Variants in B3GALT1 observed in about 807,000 individuals in gnomAD.
The protein encoded by B3GALT1 is UDP-Gal:betaGlcNAc beta 1,3-galactosyltransferase, polypeptide 1.
A neutral mutation model predicts 23.2 loss-of-function variants in B3GALT1; 10 were observed. That is an observed-to-expected ratio of 0.43 (90% CI 0.27 to 0.73). The LOEUF (loss-of-function observed/expected upper bound fraction) is 0.73, where lower values mean the gene tolerates loss of function less well. Among genes scored for constraint, B3GALT1 ranks in the 30% least tolerant of loss-of-function variants. B3GALT1 has a pLI of 0.21. For missense variants in B3GALT1, 299 were observed against 405.4 expected (o/e 0.74, Z 2.25); for synonymous variants, 156 against 141.5 (o/e 1.10, Z -0.73).
chr2:167,505,593 A>T (rs1237304977), intron 2 of B3GALT1, among the ~76,000 whole-genome samples: 2 of 152,212 alleles, frequency 1.3e-5, no homozygotes, highest in Non-Finnish European at 2.9e-5. Flanking sequence ...GCAGTTGATC[A>T]TGAGGTGTTC....
chr2:167,846,871 G>A (rs527695505), intron 4 of B3GALT1, among the ~76,000 whole-genome samples: 24 of 152,214 alleles, frequency 1.6e-4, no homozygotes, highest in South Asian at 2.1e-4. Flanking sequence ...GGAGACTCAC[G>A]TAGCCCATAA....
chr2:167,604,944 C>A (rs930300850), intron 2 of B3GALT1, among the ~76,000 whole-genome samples: 2 of 152,170 alleles, frequency 1.3e-5, no homozygotes, highest in South Asian at 4.1e-4. Flanking sequence ...CTCTGTCCTG[C>A]TTTTTATAGT....
intron 1 of B3GALT1, among the ~76,000 whole-genome samples, chr2:167,392,702 T>C (rs1357794921): frequency 6.6e-6 from 1 of 152,186 alleles, no homozygotes; most frequent in Non-Finnish European, 1.5e-5. Flanking sequence ...CTTCAGTGTT[T>C]TTGGGGAAAA....
intron 1 of B3GALT1, among the ~76,000 whole-genome samples, chr2:167,357,899 A>G (rs142114020): frequency 1.3e-5 from 2 of 152,332 alleles, no homozygotes; most frequent in East Asian, 1.9e-4. Context: ...AATTTTTAGC[A>G]TTTGCAGAAA....
intron 3 of B3GALT1, among the ~76,000 whole-genome samples, chr2:167,670,381 T>C (rs1158338911): frequency 6.6e-6 from 1 of 152,224 alleles, no homozygotes; most frequent in African/African-American, 2.4e-5. Context: ...TCCAAGTCTT[T>C]AGCCAAGCTG....
At chr2:167,863,028 G>C (rs1690134886) in intron 4 of B3GALT1, among the ~76,000 whole-genome samples, 1 of 152,194 alleles carries the variant, frequency 6.6e-6, no homozygotes, top group Non-Finnish European at 1.5e-5. Context: ...CTGTGGTGAA[G>C]CTGCTAGGAA....
intron 1 of B3GALT1, among the ~76,000 whole-genome samples, chr2:167,466,340 G>A (rs1020396997): frequency 9.9e-5 from 15 of 151,916 alleles, no homozygotes; most frequent in East Asian, 1.9e-4. Context: ...TCTTGAGGCC[G>A]GGCGCGGTGG....
intron 1 of B3GALT1, among the ~76,000 whole-genome samples, chr2:167,447,753 C>T (rs565613049): frequency 3.3e-5 from 5 of 152,238 alleles, no homozygotes; most frequent in Admixed American, 2.0e-4. Flanking sequence ...TTCCAGGTGC[C>T]GTCTGTCACA....
intron 2 of B3GALT1, among the ~76,000 whole-genome samples, chr2:167,611,474 A>G (rs1387596382): frequency 6.6e-6 from 1 of 152,004 alleles, no homozygotes; most frequent in Non-Finnish European, 1.5e-5. Flanking sequence ...TTCAATTATG[A>G]AAGTGTTGAA....
intron 3 of B3GALT1, among the ~76,000 whole-genome samples, chr2:167,666,204 T>C (rs916286839): frequency 2.0e-5 from 3 of 152,264 alleles, no homozygotes; most frequent in African/African-American, 7.2e-5. Context: ...CATTTCATTA[T>C]GTACCCAGTA....
At chr2:167,392,170 CT>C (rs1698023190) in intron 1 of B3GALT1, among the ~76,000 whole-genome samples, 1 of 151,956 alleles carries the variant, frequency 6.6e-6, no homozygotes, top group Non-Finnish European at 1.5e-5. Flanking sequence ...AGAAATATCT[CT>C]TTCTCCTCAT....
chr2:167,343,756 A>T (rs984174285), intron 1 of B3GALT1, among the ~76,000 whole-genome samples: 8 of 152,144 alleles, frequency 5.3e-5, no homozygotes, highest in Non-Finnish European at 1.2e-4. Context: ...GCTTGTGATT[A>T]CCATTGGAGT....
chr2:167,519,389 A>C (rs1485337607), intron 2 of B3GALT1, among the ~76,000 whole-genome samples: 5 of 149,384 alleles, frequency 3.3e-5, no homozygotes, highest in African/African-American at 4.9e-5. Context: ...ATTCATTTAG[A>C]TACATTTACT....
intron 1 of B3GALT1, among the ~76,000 whole-genome samples, chr2:167,324,547 T>C (rs1439661611): frequency 6.6e-6 from 1 of 152,050 alleles, no homozygotes; most frequent in Non-Finnish European, 1.5e-5. Flanking sequence ...CTGTGGTAGG[T>C]TTTAATTTAC....
chr2:167,615,450 CAAGT>C (rs1685143625), intron 2 of B3GALT1, among the ~76,000 whole-genome samples: 3 of 151,822 alleles, frequency 2.0e-5, no homozygotes. Flanking sequence ...TCAGTTAGGA[CAAGT>C]AAGTTTAGAA....
chr2:167,680,665 G>A (rs1470110171), intron 3 of B3GALT1, among the ~76,000 whole-genome samples: 1 of 152,180 alleles, frequency 6.6e-6, no homozygotes, highest in Admixed American at 6.5e-5. Context: ...CAAGTGAAAT[G>A]GATATCTCAA....
At chr2:167,628,036 TA>T (rs1030698445) in intron 2 of B3GALT1, among the ~76,000 whole-genome samples, 2 of 151,772 alleles carry the variant, frequency 1.3e-5, no homozygotes, top group African/African-American at 2.4e-5. Flanking sequence ...GTTGCCCATT[TA>T]AAAAAATTTG....
intron 2 of B3GALT1, among the ~76,000 whole-genome samples, chr2:167,511,110 G>T (rs1033760183): frequency 3.9e-5 from 6 of 152,148 alleles, no homozygotes; most frequent in African/African-American, 1.4e-4. Context: ...GATGTTTGTT[G>T]TAGTGTTTGT....
intron 3 of B3GALT1, among the ~76,000 whole-genome samples, chr2:167,758,431 G>T (rs557918975): frequency 6.6e-6 from 1 of 152,246 alleles, no homozygotes; most frequent in South Asian, 2.1e-4. Context: ...TAGTGCTGGG[G>T]ATACAAAGAA....
Sources: gnomAD v4.1 joint callset for allele counts (sites outside exome capture counted in the v4.1 genomes callset) on GRCh38, gnomAD v4.1.1 for gene constraint, MANE v1.5 for transcripts, NCBI Gene and HGNC (gene_info 2026-07-23, HGNC 2026-07-21) for gene names.